ANK2: variants seen among roughly 807,000 people sequenced by gnomAD.
The protein encoded by ANK2 is ankyrin-2.
ANK2 carries 83 observed loss-of-function variants against 360.5 expected under a neutral mutation model. The observed-to-expected ratio is 0.23, with a 90% CI of 0.19 to 0.28. ANK2 has a LOEUF of 0.28. ANK2 is among the 10% of genes least tolerant of loss of function. The probability of loss-of-function intolerance (pLI) is 1.00; values close to 1 mark genes in which losing one functional copy is unlikely to be tolerated. For synonymous variants in ANK2, 1,740 were observed against 1,759.5 expected (o/e 0.99, Z 0.28); for missense variants, 4,201 against 4,795.7 (o/e 0.88, Z 3.66).
At chr4:113,272,134 A>G (rs533339927) in intron 14 of ANK2, among the ~76,000 whole-genome samples, 55 of 152,354 alleles carry the variant, frequency 3.6e-4, no homozygotes, top group Non-Finnish European at 3.4e-4. Context: ...AGTAACTAGT[A>G]ATAGAAATTT....
chr4:113,360,833 T>A lies in ANK2; in HGVS notation c.10692T>A (p.Asp3564Glu). 6.2e-7 allele frequency: 1 copy of A among 1,612,658 alleles called. No homozygotes were observed. The highest frequency in any genetic ancestry group is 8.5e-7 in the Non-Finnish European group (1 of 1,179,254). The part of the protein sequence containing the change: ...NGHDHAEDPQ[D>E]EQERIEERLA... Reference sequence around the variant, plus strand: ...TTTGACCTTCTCCAGATCCACAGGATGAGCAGGAACGGATCGAGGAAAGGC... The same window carrying A: ...TTTGACCTTCTCCAGATCCACAGGAAGAGCAGGAACGGATCGAGGAAAGGC... The change falls in exon 39 of 46, where the codon GAT becomes GAA. Residue 3564 changes from aspartate to glutamate, a missense_variant. By Grantham distance (45) the Asp-to-Glu change is conservative (BLOSUM62 2). Transcript: ENST00000357077.
chr4:113,099,449 A>G (rs1047749486), intron 1 of ANK2, among the ~76,000 whole-genome samples: 1 of 151,984 alleles, frequency 6.6e-6, no homozygotes, highest in African/African-American at 2.4e-5. Context: ...TATAAGATAT[A>G]TATGAGAAGA....
intron 45 of ANK2, among the ~76,000 whole-genome samples, chr4:113,380,458 C>T (rs539760562): frequency 2.6e-5 from 4 of 152,252 alleles, no homozygotes; most frequent in Admixed American, 2.0e-4. Flanking sequence ...CTCAGGAGTT[C>T]GAGACCAGCT....
At chr4:113,021,541 C>CACACACACACACAT (rs1489947974) in intron 2 of ANK2, among the ~76,000 whole-genome samples, 5,141 of 95,412 alleles carry the variant, frequency 0.054, 719 homozygotes, top group Non-Finnish European at 0.071. Context: ...CACACACAAA[C>CACACACACACACAT]ATATATATAT....
chr4:113,186,451 A>C (rs1439386824), intron 2 of ANK2, among the ~76,000 whole-genome samples: 1 of 152,148 alleles, frequency 6.6e-6, no homozygotes, highest in Non-Finnish European at 1.5e-5. Context: ...AAGAAAAACC[A>C]GGGCAAAAAG....
At chr4:113,277,689 C>G in intron 15 of ANK2, 148 bp from the exon 16 acceptor site, 1 of 648,298 alleles carries the variant, frequency 1.5e-6, no homozygotes, top group Non-Finnish European at 2.8e-6. Flanking sequence ...TTTCTTTGTC[C>G]TTGTTCATGG....
chr4:112,812,957 C>T, the ANK2 span, among the ~76,000 whole-genome samples: 6 of 152,108 alleles, frequency 3.9e-5, no homozygotes, highest in African/African-American at 4.8e-5. Context: ...ATCTGGTCAT[C>T]GGCTGGGCGC....
At chr4:112,795,087 T>G in the ANK2 span, among the ~76,000 whole-genome samples, 2 of 152,198 alleles carry the variant, frequency 1.3e-5, no homozygotes, top group African/African-American at 4.8e-5. Context: ...TCTTTTGGAT[T>G]CCTTTGGAGA....
At chr4:112,848,286 A>C (rs1181250491) in intron 1 of ANK2, among the ~76,000 whole-genome samples, 2 of 152,088 alleles carry the variant, frequency 1.3e-5, no homozygotes, top group African/African-American at 4.8e-5. Context: ...CAGCTTCCCA[A>C]GTAGCTGGGA....
At chr4:113,174,562 C>A (rs1398430161) in intron 2 of ANK2, 45 bp downstream of exon 2, 1 of 1,354,676 alleles carries the variant, frequency 7.4e-7, no homozygotes, top group South Asian at 1.2e-5. Context: ...CGAAGGAACA[C>A]TCATTACATT....
intron 26 of ANK2, among the ~76,000 whole-genome samples, chr4:113,324,691 CAG>C (rs1484167464): frequency 6.6e-6 from 1 of 152,132 alleles, no homozygotes; most frequent in Non-Finnish European, 1.5e-5. Context: ...AAGGGAATTA[CAG>C]AGGAGAAAGA....
chr4:112,757,363 A>G, the ANK2 span, among the ~76,000 whole-genome samples: 1 of 151,878 alleles, frequency 6.6e-6, no homozygotes, highest in Non-Finnish European at 1.5e-5. Flanking sequence ...CAGGTGATCC[A>G]CCCGCCTCCC....
the ANK2 span, among the ~76,000 whole-genome samples, chr4:112,751,288 G>A: frequency 1.1e-4 from 17 of 152,256 alleles, no homozygotes; most frequent in South Asian, 2.1e-4. Context: ...CAAGCGACCC[G>A]TGAAAGAGAA....
intron 1 of ANK2, among the ~76,000 whole-genome samples, chr4:113,057,269 G>T (rs574686990): frequency 1.1e-4 from 17 of 152,106 alleles, no homozygotes; most frequent in Admixed American, 2.6e-4. Context: ...AACTCTACAG[G>T]ATTCTGTAGA....
At chr4:113,216,796 AC>A (rs1290581521) in intron 4 of ANK2, among the ~76,000 whole-genome samples, 1 of 152,114 alleles carries the variant, frequency 6.6e-6, no homozygotes, top group Non-Finnish European at 1.5e-5. Flanking sequence ...GAGGAGCAAC[AC>A]CTTCCCTTAA....
At chr4:112,877,997 G>T (rs1580327190) in intron 1 of ANK2, among the ~76,000 whole-genome samples, 2 of 152,144 alleles carry the variant, frequency 1.3e-5, no homozygotes, top group East Asian at 3.9e-4. Flanking sequence ...ACTCCTGTTT[G>T]TTGGATTCTC....
chr4:112,998,778 G>C (rs1191406220), intron 2 of ANK2, among the ~76,000 whole-genome samples: 1 of 152,178 alleles, frequency 6.6e-6, no homozygotes, highest in Non-Finnish European at 1.5e-5. Context: ...TAAGCATATA[G>C]TACACAGCAT....
chr4:113,097,892 GCACACA>G (rs201597609), intron 1 of ANK2, among the ~76,000 whole-genome samples: 2 of 128,096 alleles, frequency 1.6e-5, no homozygotes, highest in Non-Finnish European at 3.4e-5. Context: ...ACACACACAC[GCACACA>G]CACATATATA....
At chr4:113,284,115 T>G (rs2063458616) in intron 18 of ANK2, among the ~76,000 whole-genome samples, 1 of 152,214 alleles carries the variant, frequency 6.6e-6, no homozygotes, top group South Asian at 2.1e-4. Flanking sequence ...ATAGGGTTAG[T>G]CTTCCAAAGG....
Sources: allele counts gnomAD v4.1 joint callset (sites outside exome capture counted in the v4.1 genomes callset), GRCh38; gene constraint gnomAD v4.1.1; transcripts MANE v1.5; gene names NCBI Gene and HGNC (gene_info 2026-07-23, HGNC 2026-07-21).